PTPRT: variants seen among roughly 807,000 people sequenced by gnomAD.
PTPRT encodes receptor-type tyrosine-protein phosphatase T.
A neutral mutation model predicts 176.8 loss-of-function variants in PTPRT; 56 were observed. The ratio of observed to expected loss-of-function variants is 0.32; its 90% CI spans 0.26 to 0.40. The LOEUF is 0.40. PTPRT is among the 10% of genes least tolerant of loss of function. PTPRT has a pLI of 1.00. For missense variants in PTPRT, 1,540 were observed against 1,908.2 expected, an observed-to-expected ratio of 0.81 and a Z score of 3.60; for synonymous variants, 783 against 739.0, an observed-to-expected ratio of 1.06 and a Z score of -0.96.
Position 42,958,711 on chromosome 20 carries a change from G to A in PTPRT, c.89-72779C>T, listed in dbSNP as rs1163269815. ...CATCTACACTAGGACACTTTTAAGA[G>A]AGAAAAGGACTGCTGTTAATAATTA... On this transcript the variant is annotated intron_variant, in intron 1 of 30. Transcript: ENST00000373187. Among the ~76,000 whole-genome samples, 3 of 152,118 alleles carry A rather than the reference G, an allele frequency of 2.0e-5. No individual in the cohort carries two copies. In the South Asian group the frequency reaches 6.2e-4, roughly 32 times the overall value.
chr20:42,697,784 C>T (rs944007397), intron 6 of PTPRT, among the ~76,000 whole-genome samples: 3 of 152,170 alleles, frequency 2.0e-5, no homozygotes, highest in African/African-American at 4.8e-5. Flanking sequence ...AAAGATATAC[C>T]TTGGCCTATT....
intron 13 of PTPRT, among the ~76,000 whole-genome samples, chr20:42,274,581 G>GTGTGTGTGTA (rs1555812660): frequency 0.041 from 5,515 of 133,990 alleles, 158 homozygotes; most frequent in African/African-American, 0.053. Context: ...GTGTGTGTGT[G>GTGTGTGTGTA]TGTGTGTGTG....
intron 2 of PTPRT, among the ~76,000 whole-genome samples, chr20:42,871,571 A>C (rs2145825384): frequency 6.6e-6 from 1 of 152,242 alleles, no homozygotes; most frequent in South Asian, 2.1e-4. Flanking sequence ...ACATCATAAA[A>C]CTTTCTACCT....
chr20:43,004,202 T>C (rs993802262), intron 1 of PTPRT, among the ~76,000 whole-genome samples: 5 of 148,016 alleles, frequency 3.4e-5, no homozygotes, highest in Non-Finnish European at 7.4e-5. Flanking sequence ...CAAATATATA[T>C]GAAGCTTCAA....
intron 2 of PTPRT, among the ~76,000 whole-genome samples, chr20:42,878,992 G>A (rs543663933): frequency 1.2e-4 from 19 of 152,206 alleles, no homozygotes; most frequent in Admixed American, 1.0e-3. Context: ...TCGTGCTACA[G>A]CACTCCAGCC....
intron 1 of PTPRT, among the ~76,000 whole-genome samples, chr20:43,153,681 C>A (rs1375958281): frequency 6.6e-6 from 1 of 152,086 alleles, no homozygotes; most frequent in Admixed American, 6.6e-5. Context: ...TCAAGAAAGT[C>A]TCAATAAAGG....
rs550591689 is a variant in PTPRT, at chr20:42,570,414, A to G, written c.1154-97852T>C. 4.6e-5 allele frequency among the ~76,000 whole-genome samples: 7 copies of G among 152,294 alleles called. No individual in the cohort carries two copies. The East Asian group carries it at 1.4e-3, about 29-fold the overall frequency. On this transcript the variant is annotated intron_variant, in intron 7 of 30. Coordinates refer to ENST00000373187, the MANE Select transcript of PTPRT (RefSeq NM_007050.6). ...TGATTAATGCATCTCTCAGGTAGTG[A>G]AAACCACTTAATCTTCAGCTGCAAG...
rs980624427 is a variant in PTPRT at position 42,345,729 on chromosome 20, G to T, written c.1865+4899C>A. Among the ~76,000 whole-genome samples, 2 of 150,286 alleles carry T rather than the reference G, an allele frequency of 1.3e-5. 1 individual carries two copies. Among genetic ancestry groups the T allele is most frequent in the African/African-American group, 4.9e-5 (2 of 40,904 alleles). ...TATAGAGGGGTATGTAGAAACAACAGAAAACAAAACAAAAAATATATATAT... is the reference window on the plus strand; with the variant it reads ...TATAGAGGGGTATGTAGAAACAACATAAAACAAAACAAAAAATATATATAT... On this transcript the variant is annotated intron_variant, in intron 11 of 30. Coordinates refer to ENST00000373187, the MANE Select transcript of PTPRT (RefSeq NM_007050.6).
At chr20:42,642,703 G>C (rs1329920089) in intron 7 of PTPRT, among the ~76,000 whole-genome samples, 2 of 152,120 alleles carry the variant, frequency 1.3e-5, no homozygotes, top group Non-Finnish European at 2.9e-5. Flanking sequence ...AACCTAATTA[G>C]TTAGTGGGAG....
intron 6 of PTPRT, among the ~76,000 whole-genome samples, chr20:42,752,473 G>T (rs2076781728): frequency 6.6e-6 from 1 of 152,170 alleles, no homozygotes; most frequent in Non-Finnish European, 1.5e-5. Flanking sequence ...TGGCTGCAGA[G>T]TTATCTCCTG....
intron 11 of PTPRT, among the ~76,000 whole-genome samples, chr20:42,348,273 G>A (rs2058224020): frequency 6.6e-6 from 1 of 151,936 alleles, no homozygotes; most frequent in African/African-American, 2.4e-5. Context: ...TCCAGAAACT[G>A]AGTCTACACC....
chr20:42,552,800 T>A lies in PTPRT; in HGVS notation c.1154-80238A>T, dbSNP rs1188584583. Reference sequence around the variant, plus strand: ...TGTACAAGGGAAGTAAATTCGTAGTTTAGAAAAGAAGAAATACAAGTAGCC... The same window carrying A: ...TGTACAAGGGAAGTAAATTCGTAGTATAGAAAAGAAGAAATACAAGTAGCC... On this transcript the variant is annotated intron_variant, in intron 7 of 30. Coordinates refer to ENST00000373187, the MANE Select transcript of PTPRT (RefSeq NM_007050.6). Among the ~76,000 whole-genome samples, 3 of 152,126 alleles carry A rather than the reference T, an allele frequency of 2.0e-5. No homozygotes were observed. The East Asian group carries it at 5.8e-4, about 29-fold the overall frequency.
chr20:42,350,224 T>TGTTTGG (rs1568799331), intron 11 of PTPRT, among the ~76,000 whole-genome samples: 1 of 25,618 alleles, frequency 3.9e-5, no homozygotes, highest in African/African-American at 1.2e-4. Context: ...GTTTTTTTTT[T>TGTTTGG]TTTTTTTTTT....
intron 8 of PTPRT, among the ~76,000 whole-genome samples, chr20:42,456,047 A>G (rs2070917667): frequency 6.6e-6 from 1 of 152,092 alleles, no homozygotes; most frequent in African/African-American, 2.4e-5. Flanking sequence ...TCATCCATGA[A>G]CATGGTATAT....
intron 7 of PTPRT, among the ~76,000 whole-genome samples, chr20:42,475,649 C>G (rs2071276071): frequency 6.6e-6 from 1 of 152,192 alleles, no homozygotes; most frequent in Admixed American, 6.5e-5. Flanking sequence ...GCAAAAATGA[C>G]TTGGGTCTCA....
Position 42,411,517 on chromosome 20 carries a change from C to CA in PTPRT, c.1560+36702dup, listed in dbSNP as rs10591184. On this transcript the variant is annotated intron_variant, in intron 9 of 30. Transcript: ENST00000373187. ...AGCCAACAAGAGCTAAACCCTGTCT[C>CA]AAAAAAAAAAAAAAAAAAAAAAAGA... 3.3e-3 allele frequency among the ~76,000 whole-genome samples: 290 copies of CA among 88,244 alleles called. 3 individuals are homozygous for CA. In the South Asian group the frequency reaches 0.046, roughly 14 times the overall value. 57.9% of individuals were successfully genotyped at this position (88,244 alleles called of 152,430 possible).
intron 7 of PTPRT, among the ~76,000 whole-genome samples, chr20:42,527,214 C>T (rs556639340): frequency 1.7e-4 from 26 of 152,098 alleles, no homozygotes; most frequent in Admixed American, 1.3e-3. Flanking sequence ...CCGCCTGCCT[C>T]GGCCTCCCAA....
intron 7 of PTPRT, among the ~76,000 whole-genome samples, chr20:42,645,467 T>C (rs1482005315): frequency 6.6e-6 from 1 of 152,156 alleles, no homozygotes; most frequent in African/African-American, 2.4e-5. Context: ...TTGGTCTTTA[T>C]TCCCTTCCCT....
At position 42,075,618 on chromosome 20, in the gene PTPRT, G is replaced by T. The variant is rs1445927308; in HGVS notation, c.*5261C>A. On this transcript the variant is annotated 3_prime_UTR_variant, in exon 31 of 31. Coordinates refer to ENST00000373187, the MANE Select transcript of PTPRT (RefSeq NM_007050.6). ...CCTTCAATGTCTCTGGATCTGGGTT[G>T]GGCAGTCACTCCTGCAGAGGTAACA... 1 of 209,948 alleles carries T rather than the reference G, an allele frequency of 4.8e-6. No individual in the cohort carries two copies. The highest frequency in any genetic ancestry group is 5.9e-5 in the Admixed American group (1 of 16,944). 13.0% of individuals were successfully genotyped at this position (209,948 alleles called of 1,614,324 possible).
Sources: gnomAD v4.1 joint callset for allele counts (sites outside exome capture counted in the v4.1 genomes callset) on GRCh38, gnomAD v4.1.1 for gene constraint, MANE v1.5 for transcripts, NCBI Gene and HGNC (gene_info 2026-07-23, HGNC 2026-07-21) for gene names.